The following LRRN1 variants were observed in gnomAD, a reference collection of about 807,000 sequenced individuals.
The protein encoded by LRRN1 is leucine rich repeat neuronal 1.
In LRRN1, 14 loss-of-function variants were observed where a neutral mutation model predicts 45.8. The observed-to-expected ratio is 0.31, with a 90% CI of 0.20 to 0.48. The LOEUF is 0.48. LRRN1 is among the 20% of genes least tolerant of loss of function. The pLI, the probability that LRRN1 is intolerant of heterozygous loss-of-function variation, is 0.99. For synonymous variants in LRRN1, 359 were observed against 330.1 expected (o/e 1.09, Z -0.95); for missense variants, 789 against 874.2 (o/e 0.90, Z 1.23).
chr3:3,824,303 T>G (rs545327673), intron 1 of LRRN1, among the ~76,000 whole-genome samples: 3 of 152,330 alleles, frequency 2.0e-5, no homozygotes, highest in Admixed American at 6.5e-5. Flanking sequence ...ATCTTGAATG[T>G]CCAACTCCAA....
At chr3:3,834,639 T>A (rs548535739) in intron 1 of LRRN1, among the ~76,000 whole-genome samples, 1 of 146,484 alleles carries the variant, frequency 6.8e-6, no homozygotes, top group African/African-American at 2.5e-5. Context: ...TATTAAGTAT[T>A]AACATGCATG....
intron 1 of LRRN1, among the ~76,000 whole-genome samples, chr3:3,838,362 G>T (rs886694011): frequency 4.6e-5 from 7 of 152,236 alleles, no homozygotes; most frequent in Middle Eastern, 6.8e-3. Context: ...AAAAGCAATT[G>T]CAGCAAAAGC....
At chr3:3,826,632 C>T (rs1406754591) in intron 1 of LRRN1, among the ~76,000 whole-genome samples, 1 of 152,038 alleles carries the variant, frequency 6.6e-6, no homozygotes, top group Non-Finnish European at 1.5e-5. Context: ...TATTATAGCT[C>T]TTCCTCTCAT....
chr3:3,839,989 G>A (rs1369795583), intron 1 of LRRN1, among the ~76,000 whole-genome samples: 2 of 152,006 alleles, frequency 1.3e-5, no homozygotes, highest in Non-Finnish European at 2.9e-5. Context: ...TCTAATTGCT[G>A]TGACTAGAGT....
At chr3:3,835,205 T>C (rs1693481905) in intron 1 of LRRN1, among the ~76,000 whole-genome samples, 1 of 152,198 alleles carries the variant, frequency 6.6e-6, no homozygotes, top group Non-Finnish European at 1.5e-5. Flanking sequence ...TTAAAATGCA[T>C]TTAATACACC....
chr3:3,816,511 A>C lies in LRRN1; in HGVS notation c.-279+16592A>C, dbSNP rs941518315. On this transcript the variant is annotated intron_variant, in intron 1 of 1. Coordinates refer to ENST00000319331, the MANE Select transcript of LRRN1 (RefSeq NM_020873.7). The surrounding 1 kb of genome is among the most constrained non-coding windows in gnomAD (Gnocchi z 4.0). ...GAAGAAAAGGGAAGATTGGAAGAAA[A>C]TAATTTAACCAGGGCTTTCAATTAA... Among the ~76,000 whole-genome samples, 9 of 152,186 alleles carry C rather than the reference A, an allele frequency of 5.9e-5. No homozygotes were observed. The highest frequency in any genetic ancestry group is 5.9e-4 in the Admixed American group (9 of 15,268).
intron 1 of LRRN1, among the ~76,000 whole-genome samples, chr3:3,814,639 TG>T (rs1692951877): frequency 6.6e-6 from 1 of 152,202 alleles, no homozygotes; most frequent in Admixed American, 6.5e-5. Context: ...CCCTCATGAA[TG>T]GACTAATGCT....
intron 1 of LRRN1, among the ~76,000 whole-genome samples, chr3:3,834,018 C>T (rs1693429275): frequency 6.6e-6 from 1 of 152,104 alleles, no homozygotes; most frequent in African/African-American, 2.4e-5. Context: ...GAGTTTGTGT[C>T]TGTTTTTCCA....
chr3:3,799,885 G>T lies in LRRN1; in HGVS notation c.-313G>T. Reference sequence around the variant, plus strand: ...CCGCCGCCGTGGGTGCCGGGTCCGCGCGCACCCCAACACCCCCACCAGCTG... The same window carrying T: ...CCGCCGCCGTGGGTGCCGGGTCCGCTCGCACCCCAACACCCCCACCAGCTG... On this transcript the variant is annotated 5_prime_UTR_variant, in exon 1 of 2. Coordinates refer to ENST00000319331, the MANE Select transcript of LRRN1 (RefSeq NM_020873.7). The T allele has an allele frequency of 6.1e-6, 1 of 163,024 alleles. No individual in the cohort carries two copies. The highest frequency in any genetic ancestry group is 1.3e-5 in the Non-Finnish European group (1 of 75,402). The allele number at this position is 163,024 out of a possible 1,614,324, so 10.1% of individuals were successfully genotyped here. A position where few individuals can be genotyped will look rare whatever the true frequency, so the allele number is the denominator to read the frequency against.
intron 1 of LRRN1, among the ~76,000 whole-genome samples, chr3:3,836,794 C>T (rs572047140): frequency 6.6e-5 from 10 of 152,262 alleles, no homozygotes; most frequent in African/African-American, 1.9e-4. Flanking sequence ...CCCTAGACTA[C>T]AGTGGGTGGG....
At chr3:3,831,308 C>T (rs1693368715) in intron 1 of LRRN1, among the ~76,000 whole-genome samples, 1 of 152,230 alleles carries the variant, frequency 6.6e-6, no homozygotes, top group South Asian at 2.1e-4. Context: ...CACCAGGCCC[C>T]ACACCACTGG....
intron 1 of LRRN1, among the ~76,000 whole-genome samples, chr3:3,833,028 C>T (rs1031123995): frequency 1.4e-4 from 21 of 152,198 alleles, no homozygotes; most frequent in Admixed American, 1.3e-3. Flanking sequence ...TCCAATTCTT[C>T]CCACTGTATT....
rs972937619 is a variant in LRRN1 at position 3,848,277 on chromosome 3, T to C, written c.*1485T>C. 3.0e-4 allele frequency among the ~76,000 whole-genome samples: 45 copies of C among 152,330 alleles called. No individual in the cohort carries two copies. The highest frequency in any genetic ancestry group is 7.9e-4 in the African/African-American group (33 of 41,576). ...AATATATATAGACAGTTTTGGAGAATTGTTTCAAGATTATAGAGGAAACAT... is the reference window on the plus strand; with the variant it reads ...AATATATATAGACAGTTTTGGAGAACTGTTTCAAGATTATAGAGGAAACAT... On this transcript the variant is annotated 3_prime_UTR_variant, in exon 2 of 2. Transcript: ENST00000319331.
rs1426611622 is a variant in LRRN1 at position 3,847,535 on chromosome 3, C to T, written c.*743C>T. 1.2e-5 allele frequency: 2 copies of T among 166,926 alleles called. No individual in the cohort carries two copies. Among genetic ancestry groups the T allele is most frequent in the Non-Finnish European group, 2.9e-5 (2 of 68,056 alleles). The allele number at this position is 166,926 out of a possible 1,614,324, so 10.3% of individuals were successfully genotyped here. A position where few individuals can be genotyped will look rare whatever the true frequency, so the allele number is the denominator to read the frequency against. On this transcript the variant is annotated 3_prime_UTR_variant, in exon 2 of 2. Transcript: ENST00000319331. ...TAGTAGACACTTTTAAAAGAAAAGA[C>T]AAGTTTGTTGTGTTTAACTCACCAA...
chr3:3,805,399 G>A (rs1692731351), intron 1 of LRRN1, among the ~76,000 whole-genome samples: 1 of 152,178 alleles, frequency 6.6e-6, no homozygotes, highest in Non-Finnish European at 1.5e-5. Flanking sequence ...AATAATCAGT[G>A]TAATCAAGTA....
At chr3:3,828,619 A>G (rs1180446134) in intron 1 of LRRN1, among the ~76,000 whole-genome samples, 2 of 152,168 alleles carry the variant, frequency 1.3e-5, no homozygotes, top group African/African-American at 4.8e-5. Context: ...CCTTAAATAG[A>G]GACAATAATG....
chr3:3,826,281 T>G (rs1204916725), intron 1 of LRRN1, among the ~76,000 whole-genome samples: 2 of 152,072 alleles, frequency 1.3e-5, no homozygotes, highest in Admixed American at 6.6e-5. Context: ...GGAAGTAAAG[T>G]TTTCCATGAC....
chr3:3,825,753 T>A (rs1402874271), intron 1 of LRRN1, among the ~76,000 whole-genome samples: 1 of 152,160 alleles, frequency 6.6e-6, no homozygotes, highest in African/African-American at 2.4e-5. Flanking sequence ...TAAAATGAAT[T>A]TTTGGAAATG....
At chr3:3,839,607 A>G (rs928113324) in intron 1 of LRRN1, among the ~76,000 whole-genome samples, 1 of 152,126 alleles carries the variant, frequency 6.6e-6, no homozygotes, top group African/African-American at 2.4e-5. Flanking sequence ...TTTCCAGTCT[A>G]TAAACATGGG....
Sources: allele counts gnomAD v4.1 joint callset (sites outside exome capture counted in the v4.1 genomes callset), GRCh38; gene constraint gnomAD v4.1.1; non-coding constraint Gnocchi (gnomAD v3.1); transcripts MANE v1.5; gene names NCBI Gene and HGNC (gene_info 2026-07-23, HGNC 2026-07-21).